Variants in CETP observed in about 807,000 individuals in gnomAD.
CETP encodes cholesteryl ester transfer protein, also known as BPI fold containing family F.
Under a neutral mutation model 66.5 loss-of-function variants are expected in CETP, and 56 were observed. The observed-to-expected ratio is 0.84, with a 90% CI of 0.68 to 1.05. The LOEUF is 1.05. Among genes scored for constraint, CETP ranks in the 50% least tolerant of loss-of-function variants. The pLI is 0.00. For missense variants in CETP, 612 were observed against 609.6 expected, an observed-to-expected ratio of 1.00 and a Z score of -0.04; for synonymous variants, 251 against 245.7, an observed-to-expected ratio of 1.02 and a Z score of -0.20.
In CETP at chr16:56,964,357, C is replaced by A. The variant is rs114908369; in HGVS notation, c.233+1233C>A. Reference sequence around the variant, plus strand: ...TAATCTTTATCATATATTTTAGCCTCTTCTGTAAAAGAGGATAATGCCATC... The same window carrying A: ...TAATCTTTATCATATATTTTAGCCTATTCTGTAAAAGAGGATAATGCCATC... On this transcript the variant is annotated intron_variant, in intron 2 of 15. Transcript: ENST00000200676. Among the ~76,000 whole-genome samples the A allele has an allele frequency of 4.4e-3, 667 of 152,314 alleles. 7 individuals carry two copies. The highest frequency in any genetic ancestry group is 0.015 in the African/African-American group (638 of 41,578).
intron 10 of CETP, 100 bp from the exon 11 acceptor site, chr16:56,977,990 TG>T: frequency 6.8e-7 from 1 of 1,475,146 alleles, no homozygotes. Flanking sequence ...TCCCCAGCCC[TG>T]GGGCCCGGAG....
chr16:56,979,172 C>T (rs1218740053), intron 11 of CETP, among the ~76,000 whole-genome samples: 2 of 152,128 alleles, frequency 1.3e-5, no homozygotes. Context: ...GTGTTTATTA[C>T]CCGAGTCCAC....
intron 2 of CETP, among the ~76,000 whole-genome samples, chr16:56,968,463 A>G (rs144533880): frequency 0.022 from 3,339 of 152,314 alleles, 142 homozygotes; most frequent in African/African-American, 0.076. Flanking sequence ...CTAGGATTAC[A>G]GGTGTGAGCC....
chr16:56,962,253 G>A (rs1455196663), intron 1 of CETP, 156 bp downstream of exon 1: 9 of 757,386 alleles, frequency 1.2e-5, no homozygotes, highest in Non-Finnish European at 2.2e-5. Flanking sequence ...GAGTGGAGCT[G>A]TCATCACCCC....
At chr16:56,981,505 T>G in intron 12 of CETP, 142 bp from the exon 13 acceptor site, 1 of 1,058,414 alleles carries the variant, frequency 9.4e-7, no homozygotes, top group South Asian at 1.3e-5. Context: ...CTCAAGGGAA[T>G]AGCAAATCTC....
intron 10 of CETP, among the ~76,000 whole-genome samples, chr16:56,976,532 C>A (rs1232544487): frequency 6.6e-6 from 1 of 151,212 alleles, no homozygotes; most frequent in African/African-American, 2.4e-5. Flanking sequence ...AGTGCAGTAG[C>A]ACAATCTCAA....
intron 2 of CETP, among the ~76,000 whole-genome samples, chr16:56,963,474 T>A (rs1048863746): frequency 1.3e-5 from 2 of 152,076 alleles, no homozygotes; most frequent in South Asian, 2.1e-4. Context: ...TGTATAAATG[T>A]TGTTTTCTTA....
Position 56,973,478 on chromosome 16 carries a change from C to T in CETP, c.898C>T (p.Leu300Phe), listed in dbSNP as rs2056128258. The change falls in exon 9 of 16, where the codon CTC becomes TTC. Residue 300 changes from leucine (L) to phenylalanine (F), a missense_variant. Transcript: ENST00000200676. Reference protein sequence around the residue: ...LAKVAFQDGRLMLSLMGDEFK... With the variant: ...LAKVAFQDGRFMLSLMGDEFK... The stretch of plus-strand genomic sequence containing the variant: ...CAAGGTAGCTTTCCAGGATGGCCGC[C>T]TCATGCTCAGCCTGATGGGAGACGA... 3 of 1,614,212 alleles carry T rather than the reference C, an allele frequency of 1.9e-6. No homozygotes were observed. Among genetic ancestry groups the T allele is most frequent in the Non-Finnish European group, 2.5e-6 (3 of 1,180,048 alleles).
intron 2 of CETP, among the ~76,000 whole-genome samples, chr16:56,964,890 C>G (rs969485522): frequency 2.6e-5 from 4 of 152,184 alleles, no homozygotes; most frequent in African/African-American, 7.2e-5. Context: ...GATCCCAGCA[C>G]TTTGGGAGGC....
chr16:56,982,863 T>C (rs1344280668), intron 14 of CETP, among the ~76,000 whole-genome samples: 1 of 152,198 alleles, frequency 6.6e-6, no homozygotes, highest in Non-Finnish European at 1.5e-5. Flanking sequence ...GGAATGATCC[T>C]AGTGGGGTGT....
intron 9 of CETP, 100 bp downstream of exon 9, chr16:56,973,610 T>A (rs919778015): frequency 7.3e-7 from 1 of 1,377,210 alleles, no homozygotes; most frequent in African/African-American, 1.4e-5. Flanking sequence ...GGAAACTTGG[T>A]GGTGGGCAAA....
rs543287767 is a variant in CETP at position 56,982,456 on chromosome 16, C to T, written c.1321+219C>T. 1.8e-4 allele frequency among the ~76,000 whole-genome samples: 28 copies of T among 152,256 alleles called. 1 individual carries two copies. Among genetic ancestry groups the T allele is most frequent in the Middle Eastern group, 3.4e-3 (1 of 292 alleles). ...TCTTGGTTTACCTGCAGAATATTATCTTTGCCACCCCGCGGGATGGCTCAA... is the reference window on the plus strand; with the variant it reads ...TCTTGGTTTACCTGCAGAATATTATTTTTGCCACCCCGCGGGATGGCTCAA... On this transcript the variant is annotated intron_variant, in intron 14 of 15. Coordinates refer to ENST00000200676, the MANE Select transcript of CETP (RefSeq NM_000078.3).
chr16:56,975,623 T>A (rs1432224124), intron 10 of CETP, among the ~76,000 whole-genome samples: 2 of 152,194 alleles, frequency 1.3e-5, no homozygotes, highest in African/African-American at 4.8e-5. Context: ...CCAGTGGCAA[T>A]GATGTTCATA....
chr16:56,979,267 G>A lies in CETP; in HGVS notation c.1146+1012G>A, dbSNP rs944000895. Among the ~76,000 whole-genome samples, 5 of 152,152 alleles carry A rather than the reference G, an allele frequency of 3.3e-5. No individual in the cohort carries two copies. In the South Asian group the frequency reaches 6.2e-4, roughly 19 times the overall value. Reference sequence around the variant, plus strand: ...AAAGTAGTATAGTGTATAGACACTGGATATATTGCAGAACACCCCAATAGG... The same window carrying A: ...AAAGTAGTATAGTGTATAGACACTGAATATATTGCAGAACACCCCAATAGG... On this transcript the variant is annotated intron_variant, in intron 11 of 15. Coordinates refer to ENST00000200676, the MANE Select transcript of CETP (RefSeq NM_000078.3).
chr16:56,973,832 G>A (rs1338061174), intron 9 of CETP, among the ~76,000 whole-genome samples: 1 of 152,216 alleles, frequency 6.6e-6, no homozygotes, highest in East Asian at 1.9e-4. Context: ...AGCAATTCCT[G>A]TCCCTTTTAA....
Position 56,971,353 on chromosome 16 carries a change from C to T in CETP, c.630C>T (p.Ile210=), listed in dbSNP as rs1202515014. The change falls in exon 7 of 16, where the codon ATC becomes ATT. Residue 210 remains isoleucine, a synonymous_variant. Transcript: ENST00000200676. The part of the protein sequence containing the change: ...ICKEINVISN[I]MADFVQTRAA... ...AAGAGATCAACGTCATCTCTAACAT[C>T]ATGGCCGATTTTGTCCAGACAAGGG... 4 of 1,614,088 alleles carry T rather than the reference C, an allele frequency of 2.5e-6. No homozygotes were observed. Among genetic ancestry groups the T allele is most frequent in the South Asian group, 2.2e-5 (2 of 91,086 alleles).
intron 1 of CETP, 126 bp downstream of exon 1, chr16:56,962,223 C>T (rs561260717): frequency 4.8e-6 from 4 of 840,638 alleles, no homozygotes; most frequent in African/African-American, 3.3e-5. Context: ...GAGAGGAGTG[C>T]CCTGGGAGGG....
rs1298128128 is a variant in CETP, at chr16:56,981,152, C to T, written c.1147-6C>T. ...GGCTCACAGCAAATTTGGTTTCTCT[C>T]CCCAGGATATCGTGACTACCGTCCA... On this transcript the variant is annotated splice_region_variant and splice_polypyrimidine_tract_variant and intron_variant, in intron 11 of 15. Transcript: ENST00000200676. The T allele has an allele frequency of 6.2e-7, 1 of 1,611,856 alleles. No homozygotes were observed. Among genetic ancestry groups the T allele is most frequent in the African/African-American group, 1.3e-5 (1 of 74,882 alleles).
At position 56,981,200 on chromosome 16, in the gene CETP, C is replaced by A; in HGVS notation, c.1189C>A (p.Leu397Ile). The A allele has an allele frequency of 6.2e-7, 1 of 1,613,862 alleles. No homozygotes were observed. Among genetic ancestry groups the A allele is most frequent in the Non-Finnish European group, 8.5e-7 (1 of 1,179,704 alleles). Residue 397 changes from leucine to isoleucine, a missense_variant, in exon 12 of 16, where the codon CTC (leucine) becomes ATC (isoleucine). Leu to Ile is a conservative substitution (Grantham distance 5). Transcript: ENST00000200676. ...CCAGGCCTCCTATTCTAAGAAAAAG[C>A]TCTTCTTAAGCCTCTTGGATTTCCA... ...TVQASYSKKK[L>I]FLSLLDFQIT... is the part of the protein sequence containing the mutation.
Sources: gnomAD v4.1 joint callset for allele counts (sites outside exome capture counted in the v4.1 genomes callset) on GRCh38, gnomAD v4.1.1 for gene constraint, MANE v1.5 for transcripts, NCBI Gene and HGNC (gene_info 2026-07-23, HGNC 2026-07-21) for gene names.